GPHN: variants seen among roughly 807,000 people sequenced by gnomAD.
GPHN encodes the protein gephyrin.
GPHN carries 17 observed loss-of-function variants against 95.5 expected under a neutral mutation model. The observed-to-expected ratio is 0.18, with a 90% confidence interval of 0.12 to 0.27. GPHN has a LOEUF of 0.27. Ranked by LOEUF, GPHN falls within the 10% of genes least tolerant of loss-of-function variation. GPHN has a pLI of 1.00. For synonymous variants in GPHN, 320 were observed against 322.5 expected (o/e 0.99, Z 0.08); for missense variants, 660 against 978.1 (o/e 0.67, Z 4.34).
At chr14:67,630,490 G>A in the GPHN span, among the ~76,000 whole-genome samples, 6 of 152,280 alleles carry the variant, frequency 3.9e-5, no homozygotes, top group South Asian at 4.1e-4. Context: ...AAGTTGCTGC[G>A]GGACACGGTT....
chr14:67,066,464 A>C (rs1297512725), intron 11 of GPHN, among the ~76,000 whole-genome samples: 1 of 152,110 alleles, frequency 6.6e-6, no homozygotes, highest in Non-Finnish European at 1.5e-5. Flanking sequence ...CCTGAAATTG[A>C]ATGCTGGCCT....
At chr14:67,559,770 A>T in the GPHN span, 25 of 907,938 alleles carry the variant, frequency 2.8e-5, no homozygotes, top group Non-Finnish European at 4.3e-5. Flanking sequence ...CCTGCCCCCT[A>T]CTGTCTAGGG....
chr14:66,797,316 G>T (rs2060194791), intron 3 of GPHN, among the ~76,000 whole-genome samples: 2 of 150,718 alleles, frequency 1.3e-5, no homozygotes, highest in African/African-American at 2.4e-5. Context: ...GCTATTCTGG[G>T]TTTTCTGTGG....
chr14:67,659,131 A>G, the GPHN span, among the ~76,000 whole-genome samples: 1 of 152,234 alleles, frequency 6.6e-6, no homozygotes, highest in Non-Finnish European at 1.5e-5. Flanking sequence ...AATTTTATAA[A>G]TCAGAATCCT....
At chr14:66,702,380 A>G (rs2068635499) in intron 2 of GPHN, among the ~76,000 whole-genome samples, 1 of 152,336 alleles carries the variant, frequency 6.6e-6, no homozygotes, top group South Asian at 2.1e-4. Context: ...AACCCTATAC[A>G]GGAGCGATCC....
the GPHN span, among the ~76,000 whole-genome samples, chr14:67,517,495 A>G: frequency 6.6e-6 from 1 of 152,242 alleles, no homozygotes; most frequent in African/African-American, 2.4e-5. Flanking sequence ...AAATGTTTTA[A>G]TATATAATAT....
At chr14:67,163,351 T>C (rs35215988) in intron 19 of GPHN, among the ~76,000 whole-genome samples, 1 of 152,008 alleles carries the variant, frequency 6.6e-6, no homozygotes, top group Non-Finnish European at 1.5e-5. Context: ...ATTATTACTG[T>C]TATTATGTTC....
At chr14:67,490,906 G>A in the GPHN span, among the ~76,000 whole-genome samples, 3 of 152,176 alleles carry the variant, frequency 2.0e-5, no homozygotes, top group African/African-American at 7.2e-5. Context: ...GAGGGGGGCA[G>A]ATATGCCCCC....
chr14:67,124,898 G>A (rs1253624128), intron 17 of GPHN, among the ~76,000 whole-genome samples: 1 of 151,810 alleles, frequency 6.6e-6, no homozygotes, highest in Non-Finnish European at 1.5e-5. Flanking sequence ...ATCATTGAAA[G>A]GCCAACATGT....
At chr14:67,435,977 C>G in the GPHN span, among the ~76,000 whole-genome samples, 1 of 152,332 alleles carries the variant, frequency 6.6e-6, no homozygotes, top group South Asian at 2.1e-4. Context: ...GATGGGGAGG[C>G]AAGGCAGGTC....
At chr14:66,857,864 C>T (rs1026341933) in intron 4 of GPHN, among the ~76,000 whole-genome samples, 1 of 152,180 alleles carries the variant, frequency 6.6e-6, no homozygotes. Context: ...GGGAGAGGAA[C>T]AGCACAGTGA....
At chr14:67,030,068 A>G (rs1402082787) in intron 10 of GPHN, among the ~76,000 whole-genome samples, 2 of 149,350 alleles carry the variant, frequency 1.3e-5, no homozygotes, top group Admixed American at 6.7e-5. Flanking sequence ...TTCACACTCT[A>G]TATTATGCAT....
chr14:66,913,098 A>G (rs1205593024), intron 5 of GPHN, among the ~76,000 whole-genome samples: 1 of 152,152 alleles, frequency 6.6e-6, no homozygotes, highest in Admixed American at 6.5e-5. Context: ...TGCCTTTCCA[A>G]CAAATTCCTG....
intron 8 of GPHN, among the ~76,000 whole-genome samples, chr14:66,955,456 A>C (rs1274861929): frequency 6.6e-6 from 1 of 152,164 alleles, no homozygotes; most frequent in Non-Finnish European, 1.5e-5. Context: ...CGGTAAGCTC[A>C]ACAGCAATGT....
At chr14:67,638,262 A>G in the GPHN span, among the ~76,000 whole-genome samples, 45 of 152,250 alleles carry the variant, frequency 3.0e-4, no homozygotes, top group African/African-American at 1.1e-3. Context: ...GGTGGCTCAC[A>G]TCTGTAATCC....
At chr14:67,080,024 T>C (rs943160850) in intron 11 of GPHN, among the ~76,000 whole-genome samples, 6 of 152,108 alleles carry the variant, frequency 3.9e-5, no homozygotes, top group Non-Finnish European at 8.8e-5. Context: ...GGTTACACCA[T>C]TTTATAACCC....
At chr14:66,773,037 C>G (rs939189828) in intron 2 of GPHN, among the ~76,000 whole-genome samples, 8 of 152,116 alleles carry the variant, frequency 5.3e-5, no homozygotes, top group African/African-American at 1.7e-4. Context: ...AGACCATTTC[C>G]TTCCTCTACC....
the GPHN span, chr14:67,338,373 T>C: frequency 2.4e-6 from 1 of 419,222 alleles, no homozygotes; most frequent in South Asian, 4.2e-5. Context: ...AAATGGAGTA[T>C]GATAACGCTT....
intron 1 of GPHN, among the ~76,000 whole-genome samples, chr14:66,596,260 A>G (rs2061967477): frequency 6.6e-6 from 1 of 152,082 alleles, no homozygotes; most frequent in Non-Finnish European, 1.5e-5. Flanking sequence ...GGGCAGGCCC[A>G]GAAAAAGCAC....
Sources: gnomAD v4.1 joint callset for allele counts (sites outside exome capture counted in the v4.1 genomes callset) on GRCh38, gnomAD v4.1.1 for gene constraint, MANE v1.5 for transcripts, NCBI Gene and HGNC (gene_info 2026-07-23, HGNC 2026-07-21) for gene names.